Variants in PTPRT observed in about 807,000 individuals in gnomAD.
PTPRT encodes the protein protein tyrosine phosphatase receptor type T.
A neutral mutation model predicts 176.8 loss-of-function variants in PTPRT; 56 were observed. The ratio of observed to expected loss-of-function variants is 0.32; its 90% CI spans 0.26 to 0.40. The LOEUF (loss-of-function observed/expected upper bound fraction) is 0.40, where lower values mean the gene tolerates loss of function less well. PTPRT is among the 10% of genes least tolerant of loss of function. The probability of loss-of-function intolerance (pLI) is 1.00; values close to 1 mark genes in which losing one functional copy is unlikely to be tolerated. For synonymous variants in PTPRT, 783 were observed against 739.0 expected (o/e 1.06, Z -0.96); for missense variants, 1,540 against 1,908.2 (o/e 0.81, Z 3.60).
intron 2 of PTPRT, among the ~76,000 whole-genome samples, chr20:42,822,597 C>CTA: frequency 6.6e-6 from 1 of 152,232 alleles, no homozygotes; most frequent in East Asian, 1.9e-4. Context: ...AAGAAACTAG[C>CTA]ATCAGAGTGA....
At chr20:43,114,572 G>A (rs116026020) in intron 1 of PTPRT, among the ~76,000 whole-genome samples, 3,607 of 152,230 alleles carry the variant, frequency 0.024, 159 homozygotes, top group African/African-American at 0.083. Flanking sequence ...AAAATACATA[G>A]AGTTTGAGAC....
chr20:42,512,020 A>T (rs994544306), intron 7 of PTPRT, among the ~76,000 whole-genome samples: 3 of 152,170 alleles, frequency 2.0e-5, no homozygotes, highest in Non-Finnish European at 4.4e-5. Context: ...GAGCTGAGCC[A>T]TCTGTCTTGT....
At chr20:42,594,128 C>A (rs900351979) in intron 7 of PTPRT, among the ~76,000 whole-genome samples, 2 of 152,048 alleles carry the variant, frequency 1.3e-5, no homozygotes, top group African/African-American at 4.8e-5. Context: ...CGGAGACCAA[C>A]GTGAAGGGAA....
intron 2 of PTPRT, among the ~76,000 whole-genome samples, chr20:42,806,003 A>ATTTTTTT (rs3092354): frequency 7.1e-6 from 1 of 140,572 alleles, no homozygotes. Flanking sequence ...TATAGGGAAG[A>ATTTTTTT]TTTTTTTTTT....
intron 1 of PTPRT, among the ~76,000 whole-genome samples, chr20:43,081,382 A>C (rs913733146): frequency 1.3e-5 from 2 of 152,128 alleles, no homozygotes; most frequent in Non-Finnish European, 2.9e-5. Context: ...TTCATTTCAT[A>C]AGAGTTTTCA....
At chr20:42,107,017 T>C in intron 23 of PTPRT, 96 bp from the exon 24 acceptor site, 2 of 1,463,276 alleles carry the variant, frequency 1.4e-6, no homozygotes, top group African/African-American at 2.8e-5. Context: ...AGGGTCCTGC[T>C]GGGAGGCTCT....
intron 1 of PTPRT, among the ~76,000 whole-genome samples, chr20:43,186,997 ATTG>A (rs1017419224): frequency 7.9e-5 from 12 of 152,170 alleles, no homozygotes; most frequent in African/African-American, 2.4e-4. Flanking sequence ...GTTTTGCCAC[ATTG>A]TTAAGAGGCT....
chr20:42,508,127 T>TGTGTGTGTGTGTGTG (rs1555871976), intron 7 of PTPRT, among the ~76,000 whole-genome samples: 4,354 of 146,604 alleles, frequency 0.03, 239 homozygotes, highest in African/African-American at 0.1. Context: ...ATTACCCTTT[T>TGTGTGTGTGTGTGTG]TGTGTGTGTG....
At chr20:42,169,875 G>T (rs1990004977) in intron 16 of PTPRT, among the ~76,000 whole-genome samples, 1 of 151,748 alleles carries the variant, frequency 6.6e-6, no homozygotes, top group African/African-American at 2.4e-5. Flanking sequence ...CTTGGTGGGG[G>T]CGGGGGCAGG....
chr20:42,223,331 T>C lies in PTPRT; in HGVS notation c.2342+12898A>G, dbSNP rs141418629. The stretch of plus-strand genomic sequence containing the variant: ...CAGCAACAGCCCACATTTGGTGTTA[T>C]TGTCCCCAATTTACAGATGAGAGAA... On this transcript the variant is annotated intron_variant, in intron 15 of 30. Transcript: ENST00000373187. 5.6e-4 allele frequency among the ~76,000 whole-genome samples: 85 copies of C among 152,322 alleles called. No individual in the cohort carries two copies. The East Asian group carries it at 0.014, about 24-fold the overall frequency.
chr20:42,084,077 TA>T lies in PTPRT; in HGVS notation c.4136+604del, dbSNP rs1307294280. On this transcript the variant is annotated intron_variant, in intron 29 of 30. Transcript: ENST00000373187. ...GGTCTGAAGATTGTCTAATTCCACA[TA>T]CCCAATGAACAGACGAGGAAACTCA... 3.9e-5 allele frequency among the ~76,000 whole-genome samples: 6 copies of T among 152,378 alleles called. No homozygotes were observed. In the East Asian group the frequency reaches 1.2e-3, roughly 29 times the overall value.
rs6016968 is a variant in PTPRT, at chr20:43,158,193, C to T, written c.88+31453G>A. On this transcript the variant is annotated intron_variant, in intron 1 of 30. Coordinates refer to ENST00000373187, the MANE Select transcript of PTPRT (RefSeq NM_007050.6). ...AACACATTGGACTTGCTGATGGATT[C>T]GATGTTGGTATGGGACATAGAGAGG... 3.1e-4 allele frequency among the ~76,000 whole-genome samples: 47 copies of T among 152,074 alleles called. 1 individual carries two copies. The highest frequency in any genetic ancestry group is 9.2e-4 in the African/African-American group (38 of 41,482).
downstream of PTPRT, among the ~76,000 whole-genome samples, chr20:42,071,178 A>G (rs1248725677): frequency 6.6e-6 from 1 of 152,130 alleles, no homozygotes; most frequent in East Asian, 1.9e-4. Flanking sequence ...AACAAGGTGA[A>G]CCCTGCGCTC....
chr20:43,002,485 T>C (rs1420618747), intron 1 of PTPRT, among the ~76,000 whole-genome samples: 4 of 152,088 alleles, frequency 2.6e-5, no homozygotes, highest in Non-Finnish European at 5.9e-5. Context: ...TCAACCAAAA[T>C]TAAACAACCA....
At chr20:42,571,436 G>A (rs1451931465) in intron 7 of PTPRT, among the ~76,000 whole-genome samples, 1 of 152,154 alleles carries the variant, frequency 6.6e-6, no homozygotes, top group African/African-American at 2.4e-5. Context: ...AATGCATCCT[G>A]CCAACACATC....
intron 9 of PTPRT, among the ~76,000 whole-genome samples, chr20:42,363,298 A>ATTT (rs1297903278): frequency 6.7e-4 from 15 of 22,282 alleles, no homozygotes; most frequent in East Asian, 2.1e-3. Context: ...ATATATATAT[A>ATTT]TATTTTTTTT....
At chr20:42,282,377 C>G (rs566875366) in intron 13 of PTPRT, 112 bp downstream of exon 13, 1 of 1,118,266 alleles carries the variant, frequency 8.9e-7, no homozygotes, top group East Asian at 2.5e-5. Flanking sequence ...GTGAAAATAA[C>G]AATTCTTTCT....
At chr20:42,523,324 T>C (rs2072210687) in intron 7 of PTPRT, among the ~76,000 whole-genome samples, 1 of 152,214 alleles carries the variant, frequency 6.6e-6, no homozygotes, top group Non-Finnish European at 1.5e-5. Context: ...CGTCTTTCCT[T>C]GACAAGTGAT....
chr20:42,965,608 G>A (rs990129800), intron 1 of PTPRT, among the ~76,000 whole-genome samples: 4 of 152,114 alleles, frequency 2.6e-5, no homozygotes, highest in African/African-American at 2.4e-5. Context: ...GCATATCACC[G>A]TTTAAAAAAG....
Sources: allele counts gnomAD v4.1 joint callset (sites outside exome capture counted in the v4.1 genomes callset), GRCh38; gene constraint gnomAD v4.1.1; transcripts MANE v1.5; gene names NCBI Gene and HGNC (gene_info 2026-07-23, HGNC 2026-07-21).